Variants in PPARGC1A observed in about 807,000 individuals in gnomAD.
PPARGC1A encodes the protein peroxisome proliferator-activated receptor gamma coactivator 1-alpha.
Under a neutral mutation model 88.7 loss-of-function variants are expected in PPARGC1A, and 25 were observed. The observed-to-expected ratio is 0.28, with a 90% CI of 0.21 to 0.39. PPARGC1A has a LOEUF of 0.39. Ranked by LOEUF, PPARGC1A falls within the 10% of genes least tolerant of loss-of-function variation. PPARGC1A has a pLI of 1.00. For synonymous variants in PPARGC1A, 363 were observed against 355.6 expected (o/e 1.02, Z -0.24); for missense variants, 880 against 968.7 (o/e 0.91, Z 1.22).
the PPARGC1A span, among the ~76,000 whole-genome samples, chr4:24,002,851 G>A: frequency 6.6e-6 from 1 of 152,110 alleles, no homozygotes; most frequent in African/African-American, 2.4e-5. Flanking sequence ...TGTGACTTGT[G>A]CCAGTCATAC....
the PPARGC1A span, among the ~76,000 whole-genome samples, chr4:24,072,190 A>G: frequency 2.7e-5 from 4 of 148,066 alleles, no homozygotes; most frequent in Non-Finnish European, 6.0e-5. Context: ...TAATTTATAT[A>G]TTAAATTAAA....
upstream of PPARGC1A, among the ~76,000 whole-genome samples, chr4:23,902,607 C>A (rs1012324481): frequency 3.9e-5 from 6 of 152,128 alleles, no homozygotes; most frequent in African/African-American, 9.7e-5. Context: ...GAGAATAGAG[C>A]TGACCGTACT....
rs958554108 is a variant in PPARGC1A at position 23,793,612 on chromosome 4, C to T, written c.*2210G>A. On this transcript the variant is annotated 3_prime_UTR_variant, in exon 13 of 13. Transcript: ENST00000264867. ...AAAGTCATGTCAGCCAAACAGTAATCGAATCTCAATTTAGAAACTTGAATA... is the reference window on the plus strand; with the variant it reads ...AAAGTCATGTCAGCCAAACAGTAATTGAATCTCAATTTAGAAACTTGAATA... 3.9e-5 allele frequency: 6 copies of T among 152,134 alleles called. No individual in the cohort carries two copies. Among genetic ancestry groups the T allele is most frequent in the East Asian group, 1.9e-4 (1 of 5,180 alleles). The allele number at this position is 152,134 out of a possible 1,614,324, so 9.4% of individuals were successfully genotyped here.
chr4:23,881,984 A>G (rs1387312721), intron 2 of PPARGC1A: 1 of 152,214 alleles, frequency 6.6e-6, no homozygotes, highest in Non-Finnish European at 1.5e-5. Context: ...ACCCAATTTT[A>G]GAATGTCACC....
At chr4:24,467,012 A>AAGAAAGAAAGAAAG in the PPARGC1A span, among the ~76,000 whole-genome samples, 1 of 144,808 alleles carries the variant, frequency 6.9e-6, no homozygotes, top group Middle Eastern at 3.2e-3. Context: ...GAAGGGGAGA[A>AAGAAAGAAAGAAAG]AGAAAGAAAG....
At chr4:24,382,797 G>A in the PPARGC1A span, among the ~76,000 whole-genome samples, 1 of 152,300 alleles carries the variant, frequency 6.6e-6, no homozygotes, top group African/African-American at 2.4e-5. Context: ...GGAAGGGGTG[G>A]TTGTGGACGC....
At chr4:24,123,922 A>C in the PPARGC1A span, among the ~76,000 whole-genome samples, 390 of 151,790 alleles carry the variant, frequency 2.6e-3, 5 homozygotes, top group East Asian at 0.044. Context: ...AAAAAAAAAA[A>C]AAACAAAAAA....
chr4:24,363,955 C>T, the PPARGC1A span, among the ~76,000 whole-genome samples: 1 of 152,124 alleles, frequency 6.6e-6, no homozygotes, highest in Non-Finnish European at 1.5e-5. Context: ...GAGCTGATGG[C>T]ATTTGAAATG....
chr4:24,398,808 G>A, the PPARGC1A span, among the ~76,000 whole-genome samples: 1 of 152,144 alleles, frequency 6.6e-6, no homozygotes, highest in Non-Finnish European at 1.5e-5. Flanking sequence ...TAGGCACTCT[G>A]AGCACCCCAA....
At chr4:24,245,964 T>A in the PPARGC1A span, among the ~76,000 whole-genome samples, 1 of 134,626 alleles carries the variant, frequency 7.4e-6, no homozygotes, top group Non-Finnish European at 1.6e-5. Flanking sequence ...CACACACTTA[T>A]GCTTGGTCCT....
chr4:24,196,353 G>C, the PPARGC1A span, among the ~76,000 whole-genome samples: 1 of 152,230 alleles, frequency 6.6e-6, no homozygotes, highest in Admixed American at 6.5e-5. Context: ...CCTTTTATTG[G>C]AGAGCCTTGC....
At chr4:24,068,909 T>C in the PPARGC1A span, among the ~76,000 whole-genome samples, 2 of 152,154 alleles carry the variant, frequency 1.3e-5, no homozygotes, top group South Asian at 2.1e-4. Flanking sequence ...TGGTGATGGA[T>C]CCACTAATAC....
intron 1 of PPARGC1A, among the ~76,000 whole-genome samples, chr4:23,897,311 G>C (rs1201682704): frequency 6.6e-6 from 1 of 152,176 alleles, no homozygotes; most frequent in Non-Finnish European, 1.5e-5. Context: ...AAGTCTATCT[G>C]ACAGGTGGAG....
intron 12 of PPARGC1A, among the ~76,000 whole-genome samples, chr4:23,800,361 A>C (rs2109334394): frequency 6.6e-6 from 1 of 152,260 alleles, no homozygotes; most frequent in Non-Finnish European, 1.5e-5. Flanking sequence ...CATGCAAAGG[A>C]ACAAAATTAA....
the PPARGC1A span, among the ~76,000 whole-genome samples, chr4:24,224,980 A>G: frequency 2.0e-5 from 3 of 152,194 alleles, no homozygotes; most frequent in Non-Finnish European, 4.4e-5. Flanking sequence ...CATGTCACGC[A>G]TGTTCAAAGA....
chr4:24,102,129 C>T, the PPARGC1A span, among the ~76,000 whole-genome samples: 35 of 152,278 alleles, frequency 2.3e-4, no homozygotes, highest in Admixed American at 7.8e-4. Context: ...GTCACAGTGT[C>T]GTTGGAGAAG....
the PPARGC1A span, among the ~76,000 whole-genome samples, chr4:24,455,449 C>T: frequency 6.6e-6 from 1 of 152,202 alleles, no homozygotes; most frequent in Non-Finnish European, 1.5e-5. Flanking sequence ...CACTGCACTC[C>T]AGCCTGGACA....
chr4:23,825,268 G>A (rs1312282738), intron 5 of PPARGC1A: 1 of 152,072 alleles, frequency 6.6e-6, no homozygotes, highest in African/African-American at 2.4e-5. Flanking sequence ...TTGAACAGAA[G>A]GAGGGGAAAA....
chr4:24,248,859 G>A, the PPARGC1A span, among the ~76,000 whole-genome samples: 1 of 152,300 alleles, frequency 6.6e-6, no homozygotes, highest in African/African-American at 2.4e-5. Context: ...CTAAGGTCAG[G>A]AATGCACATG....
Sources: allele counts gnomAD v4.1 joint callset (sites outside exome capture counted in the v4.1 genomes callset), GRCh38; gene constraint gnomAD v4.1.1; transcripts MANE v1.5; gene names NCBI Gene and HGNC (gene_info 2026-07-23, HGNC 2026-07-21).